The following AP3B1 variants were observed in gnomAD, a reference collection of about 807,000 sequenced individuals.
The protein encoded by AP3B1 is adaptor related protein complex 3 subunit beta 1, also known as AP-3 complex subunit beta-1.
AP3B1 carries 61 observed loss-of-function variants against 132.5 expected under a neutral mutation model. That is an observed-to-expected ratio of 0.46 (90% CI 0.37 to 0.57). The LOEUF (loss-of-function observed/expected upper bound fraction) is 0.57, where lower values mean the gene tolerates loss of function less well. Among genes scored for constraint, AP3B1 ranks in the 20% least tolerant of loss-of-function variants. AP3B1 has a pLI of 0.00. For missense variants in AP3B1, 1,120 were observed against 1,289.4 expected (o/e 0.87, Z 2.01); for synonymous variants, 388 against 438.3 (o/e 0.89, Z 1.43).
intron 13 of AP3B1, among the ~76,000 whole-genome samples, chr5:78,157,907 C>T (rs952080727): frequency 2.6e-5 from 4 of 151,990 alleles, no homozygotes; most frequent in African/African-American, 7.2e-5. Flanking sequence ...CGCGCCACCA[C>T]GCCTGGCTAA....
At position 78,101,029 on chromosome 5, in the gene AP3B1, T is replaced by A. The variant is rs753240796; in HGVS notation, c.2398-4A>T. On this transcript the variant is annotated splice_region_variant and splice_polypyrimidine_tract_variant and intron_variant, in intron 20 of 26. Coordinates refer to ENST00000255194, the MANE Select transcript of AP3B1 (RefSeq NM_003664.5). ...GCTTTGTTTTCTTTTCTTTCTCCTA[T>A]AAAATAACAAATATTTCATTTATCA... 2.7e-6 allele frequency: 4 copies of A among 1,465,214 alleles called. No individual in the cohort carries two copies. Among genetic ancestry groups the A allele is most frequent in the Non-Finnish European group, 3.8e-6 (4 of 1,055,080 alleles). 90.8% of individuals were successfully genotyped at this position (1,465,214 alleles called of 1,614,324 possible).
At chr5:78,085,100 G>A (rs1173348431) in intron 22 of AP3B1, among the ~76,000 whole-genome samples, 1 of 152,082 alleles carries the variant, frequency 6.6e-6, no homozygotes, top group African/African-American at 2.4e-5. Context: ...AGATTACCTG[G>A]TCAAAAGGTA....
intron 22 of AP3B1, among the ~76,000 whole-genome samples, chr5:78,062,954 C>T (rs1394629612): frequency 6.6e-6 from 1 of 152,192 alleles, no homozygotes; most frequent in Non-Finnish European, 1.5e-5. Context: ...TTTCTACCCA[C>T]TGACAGTTCA....
intron 26 of AP3B1, among the ~76,000 whole-genome samples, chr5:78,006,590 G>A (rs1746406607): frequency 6.6e-6 from 1 of 152,114 alleles, no homozygotes; most frequent in Non-Finnish European, 1.5e-5. Context: ...AAGCCTTTTT[G>A]AATGGAGCTG....
At chr5:78,220,723 A>G (rs1360743550) in intron 6 of AP3B1, among the ~76,000 whole-genome samples, 5 of 151,814 alleles carry the variant, frequency 3.3e-5, no homozygotes, top group Admixed American at 2.6e-4. Flanking sequence ...AGGGGAGAGC[A>G]GTCCTTTGGA....
intron 14 of AP3B1, among the ~76,000 whole-genome samples, chr5:78,144,446 G>A (rs1413339182): frequency 1.3e-5 from 2 of 152,144 alleles, no homozygotes; most frequent in African/African-American, 4.8e-5. Context: ...TTCAACACCA[G>A]CCCACTGCAC....
intron 3 of AP3B1, among the ~76,000 whole-genome samples, chr5:78,238,193 T>C (rs1280940438): frequency 4.6e-5 from 7 of 152,152 alleles, no homozygotes; most frequent in Admixed American, 2.6e-4. Flanking sequence ...ACAAACCCTA[T>C]TGTAAACTGC....
At chr5:78,128,991 G>T in intron 16 of AP3B1, 130 bp downstream of exon 16, 1 of 800,466 alleles carries the variant, frequency 1.2e-6, no homozygotes, top group Non-Finnish European at 1.9e-6. Flanking sequence ...AAAGCATGCT[G>T]TTCTTATATA....
At chr5:78,165,710 A>G in intron 11 of AP3B1, 38 bp from the exon 12 acceptor site, 2 of 1,368,128 alleles carry the variant, frequency 1.5e-6, no homozygotes, top group Non-Finnish European at 2.1e-6. Context: ...ATTTTAAAAC[A>G]AAGGTAGCAA....
rs1329947807 is a variant in AP3B1, at chr5:78,002,732, CA to C, written c.*169del. On this transcript the variant is annotated 3_prime_UTR_variant, in exon 27 of 27. Coordinates refer to ENST00000255194, the MANE Select transcript of AP3B1 (RefSeq NM_003664.5). ...CAAAGCAAAAAGGGGGAAAGTATTGCATACATGATAGATACACACTAGCATT... is the reference window on the plus strand; with the variant it reads ...CAAAGCAAAAAGGGGGAAAGTATTGCTACATGATAGATACACACTAGCATT... The C allele has an allele frequency of 7.8e-6, 6 of 772,300 alleles. No individual in the cohort carries two copies. Among genetic ancestry groups the C allele is most frequent in the Non-Finnish European group, 1.3e-5 (6 of 451,264 alleles). The allele number at this position is 772,300 out of a possible 1,614,324, so 47.8% of individuals were successfully genotyped here. A position where few individuals can be genotyped will look rare whatever the true frequency, so the allele number is the denominator to read the frequency against.
At chr5:78,102,967 C>T (rs923268584) in intron 20 of AP3B1, among the ~76,000 whole-genome samples, 2 of 152,088 alleles carry the variant, frequency 1.3e-5, no homozygotes, top group Non-Finnish European at 2.9e-5. Flanking sequence ...AGAAAAAAGG[C>T]TTTCAAAAGG....
At chr5:78,082,215 T>C (rs1750042428) in intron 22 of AP3B1, among the ~76,000 whole-genome samples, 1 of 152,162 alleles carries the variant, frequency 6.6e-6, no homozygotes, top group African/African-American at 2.4e-5. Context: ...CATAAAGGCC[T>C]TGGAGCCTCT....
At chr5:78,069,104 C>A (rs1465802185) in intron 22 of AP3B1, among the ~76,000 whole-genome samples, 1 of 152,122 alleles carries the variant, frequency 6.6e-6, no homozygotes, top group Admixed American at 6.5e-5. Flanking sequence ...ATGGAACATA[C>A]CTCAAAATAA....
intron 7 of AP3B1, among the ~76,000 whole-genome samples, chr5:78,200,241 G>C (rs1194086463): frequency 2.0e-5 from 3 of 151,918 alleles, no homozygotes; most frequent in Non-Finnish European, 4.4e-5. Flanking sequence ...CAGGGGGAGG[G>C]GGGACAAGGG....
At chr5:78,033,015 G>T (rs1747643836) in intron 24 of AP3B1, among the ~76,000 whole-genome samples, 1 of 151,746 alleles carries the variant, frequency 6.6e-6, no homozygotes, top group African/African-American at 2.4e-5. Context: ...AATAAAATTG[G>T]GGAAAAAAAT....
At chr5:78,100,062 A>C (rs1172465044) in intron 21 of AP3B1, among the ~76,000 whole-genome samples, 1 of 152,176 alleles carries the variant, frequency 6.6e-6, no homozygotes, top group African/African-American at 2.4e-5. Flanking sequence ...AATCTTAGCC[A>C]ATGTGTAAAA....
intron 17 of AP3B1, among the ~76,000 whole-genome samples, chr5:78,117,524 G>C (rs989925546): frequency 1.2e-4 from 18 of 151,920 alleles, no homozygotes; most frequent in South Asian, 4.2e-4. Flanking sequence ...TGCCCAGGCT[G>C]GTCTCTAACT....
At chr5:78,152,777 T>C (rs1580414949) in intron 14 of AP3B1, among the ~76,000 whole-genome samples, 1 of 152,314 alleles carries the variant, frequency 6.6e-6, no homozygotes, top group East Asian at 1.9e-4. Context: ...TTTTTCAATG[T>C]CCTTCTTAAT....
chr5:78,069,588 A>G (rs1472754740), intron 22 of AP3B1, among the ~76,000 whole-genome samples: 1 of 152,210 alleles, frequency 6.6e-6, no homozygotes, highest in Non-Finnish European at 1.5e-5. Flanking sequence ...ACCACTGCTC[A>G]AGGAAATCAG....
Sources: allele counts gnomAD v4.1 joint callset (sites outside exome capture counted in the v4.1 genomes callset), GRCh38; gene constraint gnomAD v4.1.1; transcripts MANE v1.5; gene names NCBI Gene and HGNC (gene_info 2026-07-23, HGNC 2026-07-21).